FGFR2: variants seen among roughly 807,000 people sequenced by gnomAD.
FGFR2 encodes the protein BEK fibroblast growth factor receptor.
Under a neutral mutation model 95.9 loss-of-function variants are expected in FGFR2, and 19 were observed. The observed-to-expected ratio is 0.20, with a 90% CI of 0.14 to 0.29. The LOEUF is 0.29. FGFR2 is among the 10% of genes least tolerant of loss of function. The pLI, the probability that FGFR2 is intolerant of heterozygous loss-of-function variation, is 1.00. For synonymous variants in FGFR2, 392 were observed against 393.3 expected (o/e 1.00, Z 0.04); for missense variants, 707 against 1,056.9 (o/e 0.67, Z 4.59).
chr10:121,555,813 A>C (rs2134935504), intron 4 of FGFR2, among the ~76,000 whole-genome samples: 1 of 152,376 alleles, frequency 6.6e-6, no homozygotes, highest in South Asian at 2.1e-4. Context: ...AATATTAAGT[A>C]GAATTTTACT....
At chr10:121,574,582 C>T (rs1859403697) in intron 2 of FGFR2, among the ~76,000 whole-genome samples, 1 of 151,920 alleles carries the variant, frequency 6.6e-6, no homozygotes, top group African/African-American at 2.4e-5. Context: ...AATGGAGTCC[C>T]GCCATTGAAG....
chr10:121,512,850 G>T (rs1175172798), intron 9 of FGFR2, among the ~76,000 whole-genome samples: 3 of 152,162 alleles, frequency 2.0e-5, no homozygotes, highest in African/African-American at 7.2e-5. Context: ...AGAGGAAAAA[G>T]GACCAACTTA....
chr10:121,571,651 C>CA (rs917484546), intron 2 of FGFR2, among the ~76,000 whole-genome samples: 10 of 151,214 alleles, frequency 6.6e-5, no homozygotes, highest in South Asian at 2.1e-4. Context: ...AACAAACAAA[C>CA]AAAAACGACT....
chr10:121,555,173 G>C (rs1222384378), intron 4 of FGFR2, among the ~76,000 whole-genome samples: 1 of 152,138 alleles, frequency 6.6e-6, no homozygotes, highest in East Asian at 1.9e-4. Flanking sequence ...AGGAGTCCGA[G>C]ACCAGCCTGA....
intron 17 of FGFR2, 45 bp from the exon 18 acceptor site, chr10:121,480,066 A>C: frequency 6.4e-7 from 1 of 1,556,732 alleles, no homozygotes; most frequent in Non-Finnish European, 8.9e-7. Context: ...TTGGGTCAGG[A>C]TAACAAGGTG....
intron 17 of FGFR2, 120 bp downstream of exon 17, chr10:121,483,578 A>C: frequency 1.3e-6 from 1 of 745,952 alleles, no homozygotes; most frequent in South Asian, 1.5e-5. Context: ...ACCCTATGGA[A>C]AAAGAATAAA....
intron 4 of FGFR2, among the ~76,000 whole-genome samples, chr10:121,563,369 A>G (rs375489120): frequency 6.6e-6 from 1 of 152,146 alleles, no homozygotes; most frequent in African/African-American, 2.4e-5. Context: ...ACAAGACTGC[A>G]TCTCGGGAAA....
At chr10:121,546,185 T>TAAAAAAA (rs35408469) in intron 5 of FGFR2, among the ~76,000 whole-genome samples, 38 of 135,338 alleles carry the variant, frequency 2.8e-4, no homozygotes, top group East Asian at 8.4e-4. Context: ...ACCTCTTTAT[T>TAAAAAAA]AAAAAAAAAA....
intron 6 of FGFR2, among the ~76,000 whole-genome samples, chr10:121,535,621 G>A (rs964395732): frequency 8.5e-5 from 13 of 152,138 alleles, no homozygotes; most frequent in African/African-American, 3.1e-4. Context: ...GCCACCTCCC[G>A]GAGCCACAGC....
chr10:121,509,482 CTTTTTTT>C (rs67778522), intron 9 of FGFR2, among the ~76,000 whole-genome samples: 1 of 45,354 alleles, frequency 2.2e-5, no homozygotes, highest in Non-Finnish European at 3.8e-5. Context: ...TGTTTCTTTT[CTTTTTTT>C]TTTTTTTTTT....
intron 13 of FGFR2, among the ~76,000 whole-genome samples, chr10:121,495,692 C>A (rs1305705072): frequency 6.6e-6 from 1 of 152,128 alleles, no homozygotes; most frequent in East Asian, 1.9e-4. Flanking sequence ...GCAACCCAGA[C>A]CCCCAGTGAC....
Position 121,488,009 on chromosome 10 carries a change from A to G in FGFR2, c.1968T>C (p.Tyr656=), listed in dbSNP as rs1451945582. Residue 656 remains tyrosine (Y), a synonymous_variant, in exon 14 of 18, where the codon TAT becomes TAC. Coordinates refer to ENST00000358487, the MANE Select transcript of FGFR2 (RefSeq NM_000141.5). ...GACTTACATTGGTGGTCTTTTTGTA[A>G]TAGTCTATATTGTTGATATCTCTGG... ...GLARDINNID[Y]YKKTTNGRLP... The G allele has an allele frequency of 3.1e-6, 5 of 1,614,086 alleles. No individual in the cohort carries two copies. Among genetic ancestry groups the G allele is most frequent in the Non-Finnish European group, 4.2e-6 (5 of 1,180,008 alleles).
intron 17 of FGFR2, among the ~76,000 whole-genome samples, chr10:121,483,014 C>T (rs1303090871): frequency 1.3e-5 from 2 of 152,180 alleles, no homozygotes; most frequent in Non-Finnish European, 2.9e-5. Context: ...CCAGGCTGCT[C>T]TCGAACTCCT....
intron 15 of FGFR2, among the ~76,000 whole-genome samples, chr10:121,487,068 A>AC (rs1845507576): frequency 6.6e-6 from 1 of 152,190 alleles, no homozygotes; most frequent in African/African-American, 2.4e-5. Flanking sequence ...GAATTAGATA[A>AC]CCGCTTTGTA....
At chr10:121,569,239 G>A (rs989146942) in intron 2 of FGFR2, among the ~76,000 whole-genome samples, 1 of 94,828 alleles carries the variant, frequency 1.1e-5, no homozygotes, top group Admixed American at 1.1e-4. Context: ...TTTTTTTTTT[G>A]AGACAGAGTC....
chr10:121,593,869 T>A lies in FGFR2; in HGVS notation c.-52A>T, dbSNP rs1439101138. 8.5e-6 allele frequency: 13 copies of A among 1,526,790 alleles called. No homozygotes were observed. Among genetic ancestry groups the A allele is most frequent in the Non-Finnish European group, 1.2e-5 (13 of 1,100,354 alleles). The allele number at this position is 1,526,790 out of a possible 1,614,324, so 94.6% of individuals were successfully genotyped here. A position where few individuals can be genotyped will look rare whatever the true frequency, so the allele number is the denominator to read the frequency against. On this transcript the variant is annotated 5_prime_UTR_variant, in exon 2 of 18. Coordinates refer to ENST00000358487, the MANE Select transcript of FGFR2 (RefSeq NM_000141.5). Reference sequence around the variant, plus strand: ...TTCCATATCTCCATGTGGACGTTAATCCCATCTGCACACTTCCTCTACGGG... The same window carrying A: ...TTCCATATCTCCATGTGGACGTTAAACCCATCTGCACACTTCCTCTACGGG...
chr10:121,572,333 T>C (rs1858934578), intron 2 of FGFR2, among the ~76,000 whole-genome samples: 1 of 151,638 alleles, frequency 6.6e-6, no homozygotes, highest in South Asian at 2.1e-4. Context: ...CAAAAATAAA[T>C]AAGTAGCCCA....
At chr10:121,562,602 G>C (rs1857146842) in intron 4 of FGFR2, among the ~76,000 whole-genome samples, 1 of 152,036 alleles carries the variant, frequency 6.6e-6, no homozygotes, top group Non-Finnish European at 1.5e-5. Context: ...TCTTTTAGTA[G>C]GTAAACGGGT....
At chr10:121,492,779 G>A (rs1846304457) in intron 13 of FGFR2, among the ~76,000 whole-genome samples, 1 of 152,208 alleles carries the variant, frequency 6.6e-6, no homozygotes, top group South Asian at 2.1e-4. Context: ...TCCAGTAAGT[G>A]GCTTTGGAAC....
Sources: allele counts gnomAD v4.1 joint callset (sites outside exome capture counted in the v4.1 genomes callset), GRCh38; gene constraint gnomAD v4.1.1; transcripts MANE v1.5; gene names NCBI Gene and HGNC (gene_info 2026-07-23, HGNC 2026-07-21).